The following EYS variants were observed in gnomAD, a reference collection of about 807,000 sequenced individuals.
The protein encoded by EYS is protein eyes shut homolog.
EYS carries 250 observed loss-of-function variants against 282.1 expected under a neutral mutation model. The ratio of observed to expected loss-of-function variants is 0.89; its 90% CI spans 0.80 to 0.98. The LOEUF (loss-of-function observed/expected upper bound fraction) is 0.98, where lower values mean the gene tolerates loss of function less well. Ranked by LOEUF, EYS falls within the 50% of genes least tolerant of loss-of-function variation. EYS has a pLI of 0.00. For synonymous variants in EYS, 1,355 were observed against 1,282.9 expected, an observed-to-expected ratio of 1.06 and a Z score of -1.20; for missense variants, 4,016 against 3,709.0, an observed-to-expected ratio of 1.08 and a Z score of -2.15.
At chr6:65,107,712 A>G (rs536324726) in intron 12 of EYS, among the ~76,000 whole-genome samples, 3 of 151,812 alleles carry the variant, frequency 2.0e-5, no homozygotes, top group Non-Finnish European at 4.4e-5. Flanking sequence ...TTTGTTTTCA[A>G]TATTCTGACA....
At chr6:65,675,443 G>T (rs1262563593) in intron 1 of EYS, among the ~76,000 whole-genome samples, 4 of 151,810 alleles carry the variant, frequency 2.6e-5, no homozygotes, top group Non-Finnish European at 5.9e-5. Flanking sequence ...ATGTGTAAGT[G>T]GTTAGCAAAA....
At chr6:65,185,809 A>G (rs1357566402) in intron 12 of EYS, among the ~76,000 whole-genome samples, 1 of 151,800 alleles carries the variant, frequency 6.6e-6, no homozygotes, top group East Asian at 1.9e-4. Flanking sequence ...TACTATTTAT[A>G]GTATGTTCTT....
intron 14 of EYS, among the ~76,000 whole-genome samples, chr6:64,958,558 A>G (rs1769797735): frequency 6.6e-6 from 1 of 151,336 alleles, no homozygotes; most frequent in African/African-American, 2.4e-5. Flanking sequence ...CCACGGTGAA[A>G]CCCCGTCTCT....
chr6:65,702,170 T>C (rs1303898317), intron 1 of EYS, among the ~76,000 whole-genome samples: 3 of 152,132 alleles, frequency 2.0e-5, no homozygotes, highest in Non-Finnish European at 2.9e-5. Context: ...CTCTACTTTG[T>C]TTCTTTGACT....
At chr6:65,234,679 T>C (rs1453077543) in intron 12 of EYS, among the ~76,000 whole-genome samples, 1 of 152,192 alleles carries the variant, frequency 6.6e-6, no homozygotes, top group Non-Finnish European at 1.5e-5. Flanking sequence ...TAATCCAATG[T>C]AACAGATAGA....
chr6:65,143,880 A>G (rs994040103), intron 12 of EYS, among the ~76,000 whole-genome samples: 5 of 152,082 alleles, frequency 3.3e-5, no homozygotes, highest in Non-Finnish European at 7.4e-5. Flanking sequence ...AGGATCAGCA[A>G]AGCAATTCAC....
intron 22 of EYS, among the ~76,000 whole-genome samples, chr6:64,807,814 A>G (rs1438683612): frequency 6.6e-6 from 1 of 152,146 alleles, no homozygotes; most frequent in African/African-American, 2.4e-5. Context: ...AGAAATACTA[A>G]CTTATTTTGC....
intron 29 of EYS, among the ~76,000 whole-genome samples, chr6:64,310,078 A>AAAAAAAAAAAAAAC (rs1554142131): frequency 2.9e-4 from 42 of 145,222 alleles, no homozygotes; most frequent in African/African-American, 1.0e-3. Flanking sequence ...ATAAAAAAAA[A>AAAAAAAAAAAAAAC]AATAACAGAT....
At chr6:64,313,611 A>C (rs950016644) in intron 29 of EYS, among the ~76,000 whole-genome samples, 2 of 152,138 alleles carry the variant, frequency 1.3e-5, no homozygotes, top group African/African-American at 4.8e-5. Flanking sequence ...AAGAAGGCAA[A>C]AATGTTAAGG....
chr6:65,193,269 T>G (rs1284716771), intron 12 of EYS, among the ~76,000 whole-genome samples: 1 of 151,938 alleles, frequency 6.6e-6, no homozygotes, highest in Non-Finnish European at 1.5e-5. Context: ...TTCACAGTGC[T>G]AGTAATTAAC....
In EYS at chr6:64,626,156, T is replaced by C. The variant is rs748132633; in HGVS notation, c.3533A>G (p.Asp1178Gly). 23 of 1,547,114 alleles carry C rather than the reference T, an allele frequency of 1.5e-5. No individual in the cohort carries two copies. In the East Asian group the frequency reaches 2.7e-4, roughly 18 times the overall value. The change falls in exon 23 of 43, where the codon GAT becomes GGT. Residue 1178 changes from aspartate to glycine, a missense_variant. Physicochemically the swap from Asp to Gly is moderately conservative, Grantham distance 94. Transcript: ENST00000503581. ...SPCLHGADCE[D>G]HINGYVCKCQ... ...TTTGCAAACATATCCATTGATGTGA[T>C]CTTCACAGTCTGCACCATGTAGACA...
intron 1 of EYS, among the ~76,000 whole-genome samples, chr6:65,677,227 G>A (rs865873887): frequency 6.6e-6 from 1 of 151,010 alleles, no homozygotes; most frequent in Middle Eastern, 3.4e-3. Flanking sequence ...AGAGAAATTA[G>A]GCAAGAGAAA....
rs1484408989 is a variant in EYS at position 64,066,360 on chromosome 6, C to T, written c.6703G>A (p.Ala2235Thr). Residue 2235 changes from alanine to threonine, a missense_variant, in exon 33 of 43, where the codon GCA becomes ACA. By Grantham distance (58) the Ala-to-Thr change is moderately conservative. Transcript: ENST00000503581. Reference sequence around the variant, plus strand: ...TACCGTATTGTGATAGGGGTGAATGCATTTGTGTTAATGCTGTAATTAGCA... The same window carrying T: ...TACCGTATTGTGATAGGGGTGAATGTATTTGTGTTAATGCTGTAATTAGCA... ...VSANYSINTN[A>T]FTPITIRYTT... 6.4e-7 allele frequency: 1 copy of T among 1,551,590 alleles called. No individual in the cohort carries two copies. The highest frequency in any genetic ancestry group is 2.4e-5 in the East Asian group (1 of 40,892).
chr6:65,347,691 A>T (rs1770453453), intron 9 of EYS, among the ~76,000 whole-genome samples: 1 of 151,574 alleles, frequency 6.6e-6, no homozygotes, highest in South Asian at 2.1e-4. Context: ...TAGTGTATCC[A>T]TCACTTCGAG....
Position 65,259,224 on chromosome 6 carries a change from C to T in EYS, c.2023+36639G>A, listed in dbSNP as rs576864238. On this transcript the variant is annotated intron_variant, in intron 12 of 42. Coordinates refer to ENST00000503581, the MANE Select transcript of EYS (RefSeq NM_001142800.2). ...GGTGTTGGTCATTTCAGGATAGAAG[C>T]ATTAAAGAGTCATTGCTCCACCCAT... 8.5e-5 allele frequency among the ~76,000 whole-genome samples: 13 copies of T among 152,076 alleles called. No homozygotes were observed. The South Asian group carries it at 2.5e-3, about 29-fold the overall frequency.
intron 42 of EYS, among the ~76,000 whole-genome samples, chr6:63,722,087 G>A (rs573646074): frequency 6.6e-6 from 1 of 152,072 alleles, no homozygotes; most frequent in Non-Finnish European, 1.5e-5. Context: ...TCAAATGAAA[G>A]CCTGTTCCTT....
chr6:64,907,228 T>A (rs906460698), intron 16 of EYS, among the ~76,000 whole-genome samples: 43 of 152,220 alleles, frequency 2.8e-4, no homozygotes, highest in Non-Finnish European at 4.1e-4. Flanking sequence ...TAATTTTTTT[T>A]AAATTTTTTT....
intron 41 of EYS, among the ~76,000 whole-genome samples, chr6:63,742,469 G>A (rs756700228): frequency 3.3e-5 from 5 of 152,152 alleles, no homozygotes; most frequent in Non-Finnish European, 5.9e-5. Flanking sequence ...CAGCTCAGCA[G>A]AAATTGACAA....
intron 11 of EYS, among the ~76,000 whole-genome samples, chr6:65,318,571 GT>G (rs1413265456): frequency 4.1e-5 from 6 of 145,470 alleles, no homozygotes; most frequent in African/African-American, 1.5e-4. Flanking sequence ...TATATTATAT[GT>G]ATTACATATA....
Sources: gnomAD v4.1 joint callset for allele counts (sites outside exome capture counted in the v4.1 genomes callset) on GRCh38, gnomAD v4.1.1 for gene constraint, MANE v1.5 for transcripts, NCBI Gene and HGNC (gene_info 2026-07-23, HGNC 2026-07-21) for gene names.